The following PSD3 variants were observed in gnomAD, a reference collection of about 807,000 sequenced individuals.
PSD3 encodes the protein pleckstrin and Sec7 domain containing 3, also known as PH and SEC7 domain-containing protein 3.
A neutral mutation model predicts 105.5 loss-of-function variants in PSD3; 49 were observed. The ratio of observed to expected loss-of-function variants is 0.46; its 90% CI spans 0.37 to 0.59. PSD3 has a LOEUF of 0.59. Among genes scored for constraint, PSD3 ranks in the 20% least tolerant of loss-of-function variants. The pLI, the probability that PSD3 is intolerant of heterozygous loss-of-function variation, is 0.00. For missense variants in PSD3, 1,561 were observed against 1,263.8 expected (o/e 1.24, Z -3.57); for synonymous variants, 557 against 457.8 (o/e 1.22, Z -2.77).
intron 9 of PSD3, among the ~76,000 whole-genome samples, chr8:18,669,794 GTA>G (rs1799677482): frequency 6.6e-6 from 1 of 152,298 alleles, no homozygotes; most frequent in Admixed American, 6.5e-5. Flanking sequence ...TCCCGTAATG[GTA>G]TAGCATATGG....
intron 1 of PSD3, among the ~76,000 whole-genome samples, chr8:18,957,495 C>G (rs1254908194): frequency 6.6e-6 from 1 of 151,118 alleles, no homozygotes; most frequent in African/African-American, 2.4e-5. Flanking sequence ...ACGGGCCCAA[C>G]AGCTAATTCC....
intron 9 of PSD3, among the ~76,000 whole-genome samples, chr8:18,678,599 G>A (rs912954221): frequency 7.9e-5 from 12 of 152,194 alleles, no homozygotes; most frequent in Non-Finnish European, 1.3e-4. Context: ...ATCGCCTGAG[G>A]TTGGGAGTTC....
chr8:18,797,297 C>A (rs1428314485), intron 8 of PSD3, among the ~76,000 whole-genome samples: 2 of 152,126 alleles, frequency 1.3e-5, no homozygotes, highest in Non-Finnish European at 2.9e-5. Context: ...CAGAGATTCA[C>A]TGTTATTGAT....
At chr8:18,576,256 G>C (rs1474371471) in intron 12 of PSD3, among the ~76,000 whole-genome samples, 3 of 152,026 alleles carry the variant, frequency 2.0e-5, no homozygotes, top group Non-Finnish European at 4.4e-5. Flanking sequence ...GTGAGGCAAA[G>C]GTTTTCCCTC....
chr8:18,710,130 C>T (rs955307837), intron 9 of PSD3, among the ~76,000 whole-genome samples: 2 of 152,166 alleles, frequency 1.3e-5, no homozygotes, highest in Admixed American at 1.3e-4. Context: ...CCAGAATAAC[C>T]CGTTTAGAGA....
chr8:18,643,385 C>A (rs528634377), intron 10 of PSD3, among the ~76,000 whole-genome samples: 4 of 152,162 alleles, frequency 2.6e-5, no homozygotes, highest in Non-Finnish European at 5.9e-5. Flanking sequence ...CATTTCATCA[C>A]AGTGACCCCA....
At chr8:19,072,943 C>G (rs773701967) in intron 1 of PSD3, among the ~76,000 whole-genome samples, 1 of 152,120 alleles carries the variant, frequency 6.6e-6, no homozygotes, top group African/African-American at 2.4e-5. Flanking sequence ...CTTGGCCCAA[C>G]TATAAAGGAT....
At chr8:18,781,884 A>AT (rs934072216) in intron 8 of PSD3, among the ~76,000 whole-genome samples, 92 of 151,806 alleles carry the variant, frequency 6.1e-4, no homozygotes, top group African/African-American at 2.0e-3. Flanking sequence ...CTTCGTTTTT[A>AT]TTTTTTTTAA....
chr8:18,584,593 C>T (rs1396876465), intron 12 of PSD3, among the ~76,000 whole-genome samples: 1 of 152,174 alleles, frequency 6.6e-6, no homozygotes, highest in Non-Finnish European at 1.5e-5. Context: ...ACTAACAAAC[C>T]AGTCTCATTT....
At chr8:18,762,787 G>A in intron 9 of PSD3, 1 of 523,922 alleles carries the variant, frequency 1.9e-6, no homozygotes, top group Non-Finnish European at 3.0e-6. Flanking sequence ...TTGAAGGACT[G>A]TACACAAGCT....
chr8:18,840,621 G>A (rs1220891964), intron 4 of PSD3, among the ~76,000 whole-genome samples: 1 of 152,172 alleles, frequency 6.6e-6, no homozygotes, highest in Non-Finnish European at 1.5e-5. Flanking sequence ...GGCAGATGAG[G>A]AAAACAAAGC....
At position 18,968,879 on chromosome 8, in the gene PSD3, C is replaced by CAA. The variant is rs10597134; in HGVS notation, c.22-32739_22-32738dup. Among the ~76,000 whole-genome samples the CAA allele has an allele frequency of 1.7e-3, 121 of 71,632 alleles. 1 individual carries two copies. The highest frequency in any genetic ancestry group is 4.4e-3 in the South Asian group (6 of 1,356). The allele number at this position is 71,632 out of a possible 152,430, so 47.0% of individuals were successfully genotyped here. A position where few individuals can be genotyped will look rare whatever the true frequency, so the allele number is the denominator to read the frequency against. ...TGACAGAGCAAAAAAAAAATGTCTCCAAAAAAAAAAAAAAAAAAAAAAACT... is the reference window on the plus strand; with the variant it reads ...TGACAGAGCAAAAAAAAAATGTCTCCAAAAAAAAAAAAAAAAAAAAAAAAACT... On this transcript the variant is annotated intron_variant, in intron 1 of 15. Transcript: ENST00000327040.
intron 4 of PSD3, among the ~76,000 whole-genome samples, chr8:18,843,288 G>C (rs1182550002): frequency 6.7e-6 from 1 of 149,292 alleles, no homozygotes; most frequent in South Asian, 2.1e-4. Context: ...GTGAACCCGG[G>C]AGGCGGAGCT....
intron 12 of PSD3, among the ~76,000 whole-genome samples, chr8:18,596,109 G>T (rs757992210): frequency 3.3e-5 from 5 of 151,826 alleles, no homozygotes; most frequent in Non-Finnish European, 7.4e-5. Flanking sequence ...GGAAAATGGA[G>T]AGTTCACAAA....
chr8:18,909,854 T>C (rs1820087797), intron 2 of PSD3, among the ~76,000 whole-genome samples: 1 of 152,240 alleles, frequency 6.6e-6, no homozygotes, highest in African/African-American at 2.4e-5. Flanking sequence ...TATGTTTCTT[T>C]GTTTTTATAT....
At chr8:18,628,164 C>A (rs1806628976) in intron 11 of PSD3, among the ~76,000 whole-genome samples, 1 of 151,534 alleles carries the variant, frequency 6.6e-6, no homozygotes, top group Admixed American at 6.6e-5. Flanking sequence ...CAAACAAGTC[C>A]CATAACAGGA....
chr8:18,634,271 T>C (rs1160081350), intron 10 of PSD3, among the ~76,000 whole-genome samples: 2 of 152,086 alleles, frequency 1.3e-5, no homozygotes, highest in African/African-American at 4.8e-5. Flanking sequence ...CTTTTTTTTC[T>C]CTTTTGGTAT....
intron 1 of PSD3, among the ~76,000 whole-genome samples, chr8:19,064,334 C>A (rs770108080): frequency 6.6e-5 from 10 of 151,806 alleles, no homozygotes; most frequent in Non-Finnish European, 1.0e-4. Flanking sequence ...GTTTTTGATT[C>A]GTTTCTTAAA....
At chr8:18,922,200 G>A (rs1821066054) in intron 2 of PSD3, among the ~76,000 whole-genome samples, 1 of 152,140 alleles carries the variant, frequency 6.6e-6, no homozygotes, top group Non-Finnish European at 1.5e-5. Flanking sequence ...GGTTTGTTCA[G>A]GGATTCTGCA....
Sources: allele counts gnomAD v4.1 joint callset (sites outside exome capture counted in the v4.1 genomes callset), GRCh38; gene constraint gnomAD v4.1.1; transcripts MANE v1.5; gene names NCBI Gene and HGNC (gene_info 2026-07-23, HGNC 2026-07-21).